SULF1: variants seen among roughly 807,000 people sequenced by gnomAD.
SULF1 encodes extracellular sulfatase Sulf-1.
In SULF1, 46 loss-of-function variants were observed where a neutral mutation model predicts 110.5. The ratio of observed to expected loss-of-function variants is 0.42; its 90% CI spans 0.33 to 0.53. The LOEUF (loss-of-function observed/expected upper bound fraction) is 0.53. Among genes scored for constraint, SULF1 ranks in the 20% least tolerant of loss-of-function variants. The probability of loss-of-function intolerance (pLI) is 0.12; values close to 1 mark genes in which losing one functional copy is unlikely to be tolerated. For missense variants in SULF1, 941 were observed against 1,094.2 expected (o/e 0.86, Z 1.98); for synonymous variants, 371 against 387.1 (o/e 0.96, Z 0.49).
intron 7 of SULF1, among the ~76,000 whole-genome samples, chr8:69,588,557 C>T (rs567913370): frequency 7.9e-5 from 12 of 152,094 alleles, no homozygotes; most frequent in African/African-American, 2.7e-4. Context: ...TTGAAGTGGG[C>T]GTGGGTGTTT....
intron 3 of SULF1, among the ~76,000 whole-genome samples, chr8:69,516,571 G>A (rs74824040): frequency 6.6e-6 from 1 of 152,138 alleles, no homozygotes; most frequent in Non-Finnish European, 1.5e-5. Context: ...GATGAGAATT[G>A]CACCTTTCAT....
chr8:69,648,041 T>C (rs1018870018), intron 22 of SULF1, among the ~76,000 whole-genome samples: 1 of 151,448 alleles, frequency 6.6e-6, no homozygotes, highest in Non-Finnish European at 1.5e-5. Context: ...CTAAATCAAA[T>C]TCCATTTCAA....
chr8:69,499,105 C>A (rs182646647), intron 2 of SULF1, among the ~76,000 whole-genome samples: 5 of 152,092 alleles, frequency 3.3e-5, no homozygotes, highest in African/African-American at 7.2e-5. Flanking sequence ...GCAATCTGCC[C>A]GCCTCGGCCT....
intron 22 of SULF1, among the ~76,000 whole-genome samples, chr8:69,651,103 G>A (rs567470355): frequency 1.0e-4 from 15 of 147,848 alleles, no homozygotes; most frequent in African/African-American, 3.5e-4. Flanking sequence ...TCCCAAGCTG[G>A]AGTGCAGTGG....
rs1289663141 is a variant in SULF1, at chr8:69,564,019, C to T, written c.44C>T (p.Thr15Ile). The change falls in exon 5 of 23, where the codon ACA (threonine) becomes ATA (isoleucine). Residue 15 changes from threonine (T) to isoleucine (I), a missense_variant. Physicochemically the swap from Thr to Ile is moderately conservative, Grantham distance 89. Transcript: ENST00000402687. ...GCTCTGGTTTTGGCTGTCCTGGGCA[C>T]AGAATTGCTGGGAAGCCTCTGTTCG... ...CCALVLAVLG[T>I]ELLGSLCSTV... The T allele has an allele frequency of 3.1e-6, 5 of 1,614,052 alleles. No individual in the cohort carries two copies. Among genetic ancestry groups the T allele is most frequent in the Non-Finnish European group, 4.2e-6 (5 of 1,180,044 alleles).
chr8:69,582,188 G>GA (rs565281163), intron 6 of SULF1, among the ~76,000 whole-genome samples: 1 of 151,418 alleles, frequency 6.6e-6, no homozygotes, highest in South Asian at 2.1e-4. Flanking sequence ...TTAAAGTGCA[G>GA]AAAAAAAAAT....
chr8:69,481,095 C>G (rs1222723307), intron 1 of SULF1, among the ~76,000 whole-genome samples: 3 of 151,794 alleles, frequency 2.0e-5, no homozygotes, highest in Non-Finnish European at 4.4e-5. Context: ...TCTAGATTTC[C>G]TTTTTGGTGT....
At chr8:69,640,872 C>T (rs1395120683) in intron 22 of SULF1, 31 bp downstream of exon 22, 11 of 1,601,366 alleles carry the variant, frequency 6.9e-6, no homozygotes, top group Admixed American at 1.7e-5. Flanking sequence ...TTCTCAACAG[C>T]TTCTTCCCCA....
intron 13 of SULF1, 73 bp downstream of exon 13, chr8:69,605,005 T>A (rs960766540): frequency 1.3e-6 from 2 of 1,583,376 alleles, no homozygotes; most frequent in African/African-American, 2.7e-5. Flanking sequence ...TGTCCACATA[T>A]AAAAGAATGT....
At chr8:69,497,264 TCTC>T (rs565099361) in intron 2 of SULF1, among the ~76,000 whole-genome samples, 15 of 151,408 alleles carry the variant, frequency 9.9e-5, no homozygotes, top group Non-Finnish European at 1.8e-4. Context: ...TTCAAGCAAT[TCTC>T]CTGCCTCAGC....
chr8:69,638,465 T>C (rs1224708572), intron 19 of SULF1, 37 bp from the exon 20 acceptor site: 2 of 1,600,896 alleles, frequency 1.2e-6, no homozygotes, highest in Middle Eastern at 1.7e-4. Context: ...TTTTTCACTC[T>C]TTTTGTTTTG....
At chr8:69,474,444 C>G (rs932893106) in intron 1 of SULF1, among the ~76,000 whole-genome samples, 1 of 152,298 alleles carries the variant, frequency 6.6e-6, no homozygotes, top group African/African-American at 2.4e-5. Flanking sequence ...TAGAATGTCC[C>G]TGTAAACAGA....
chr8:69,586,704 C>T (rs1357663940), intron 7 of SULF1, among the ~76,000 whole-genome samples, 196 bp downstream of exon 7: 4 of 152,190 alleles, frequency 2.6e-5, no homozygotes, highest in Admixed American at 2.0e-4. Context: ...TAGTGATTTC[C>T]CTCATTAGGA....
At chr8:69,474,860 A>T (rs573746956) in intron 1 of SULF1, among the ~76,000 whole-genome samples, 1 of 152,218 alleles carries the variant, frequency 6.6e-6, no homozygotes, top group South Asian at 2.1e-4. Flanking sequence ...ATAAAATAAG[A>T]TGCTTAACAC....
At chr8:69,575,542 TATA>T (rs1805547907) in intron 5 of SULF1, among the ~76,000 whole-genome samples, 1 of 152,006 alleles carries the variant, frequency 6.6e-6, no homozygotes, top group African/African-American at 2.4e-5. Context: ...ATTAAAATGC[TATA>T]GTAGTAATCT....
At chr8:69,514,352 G>T (rs1255258287) in intron 3 of SULF1, among the ~76,000 whole-genome samples, 1 of 152,126 alleles carries the variant, frequency 6.6e-6, no homozygotes, top group Admixed American at 6.6e-5. Flanking sequence ...AGAGAAGGGG[G>T]AAGTGCTACA....
At position 69,632,794 on chromosome 8, in the gene SULF1, G is replaced by T. The variant is rs141256166; in HGVS notation, c.2284+3115G>T. ...AAACCCAGCACTTTGGGAGGCCAAG[G>T]TCAGAGGATCAGCTGAGCCCAGGAG... On this transcript the variant is annotated intron_variant, in intron 19 of 22. Transcript: ENST00000402687. Among the ~76,000 whole-genome samples the T allele has an allele frequency of 5.9e-5, 9 of 152,262 alleles. No individual in the cohort carries two copies. The East Asian group carries it at 1.7e-3, about 29-fold the overall frequency.
At chr8:69,506,057 A>G (rs558213886) in intron 3 of SULF1, among the ~76,000 whole-genome samples, 27 of 152,310 alleles carry the variant, frequency 1.8e-4, no homozygotes, top group African/African-American at 6.0e-4. Context: ...AATTGGAAAC[A>G]TGGAGAATGT....
At chr8:69,533,454 C>T (rs1813238961) in intron 3 of SULF1, among the ~76,000 whole-genome samples, 1 of 152,094 alleles carries the variant, frequency 6.6e-6, no homozygotes, top group Non-Finnish European at 1.5e-5. Flanking sequence ...CTTCCTGTGT[C>T]CACGTGTTCT....
Sources: allele counts gnomAD v4.1 joint callset (sites outside exome capture counted in the v4.1 genomes callset), GRCh38; gene constraint gnomAD v4.1.1; transcripts MANE v1.5; gene names NCBI Gene and HGNC (gene_info 2026-07-23, HGNC 2026-07-21).